The following MTMR3 variants were observed in gnomAD, a reference collection of about 807,000 sequenced individuals.
The protein encoded by MTMR3 is phosphatidylinositol-3,5-bisphosphate 3-phosphatase MTMR3.
MTMR3 carries 32 observed loss-of-function variants against 132.4 expected under a neutral mutation model. The observed-to-expected ratio is 0.24, with a 90% confidence interval of 0.18 to 0.32. MTMR3 has a LOEUF of 0.32. MTMR3 is among the 10% of genes least tolerant of loss of function. The pLI is 1.00. For missense variants in MTMR3, 1,216 were observed against 1,489.6 expected (o/e 0.82, Z 3.02); for synonymous variants, 556 against 550.3 (o/e 1.01, Z -0.14).
At chr22:29,986,635 A>G (rs1420727734) in intron 5 of MTMR3, 16 of 959,622 alleles carry the variant, frequency 1.7e-5, no homozygotes, top group Non-Finnish European at 1.9e-5. Flanking sequence ...TGTTCTCAGA[A>G]CACAGGCAAG....
At chr22:29,908,620 T>C (rs1384501141) in intron 1 of MTMR3, among the ~76,000 whole-genome samples, 1 of 152,066 alleles carries the variant, frequency 6.6e-6, no homozygotes, top group African/African-American at 2.4e-5. Flanking sequence ...TTTGCGGAAA[T>C]AGCAGGAATA....
chr22:29,965,723 G>A (rs1413295917), intron 2 of MTMR3, among the ~76,000 whole-genome samples: 1 of 152,096 alleles, frequency 6.6e-6, no homozygotes, highest in Non-Finnish European at 1.5e-5. Flanking sequence ...ATTTGACTGG[G>A]AAGATAGCTT....
At chr22:30,022,234 G>T (rs751292821) in intron 18 of MTMR3, 95 bp downstream of exon 18, 6 of 904,354 alleles carry the variant, frequency 6.6e-6, no homozygotes, top group Non-Finnish European at 8.8e-6. Context: ...GGCCAAGGAA[G>T]CACCTCCCAG....
chr22:29,928,135 C>T (rs1387588787), intron 1 of MTMR3, among the ~76,000 whole-genome samples: 1 of 148,514 alleles, frequency 6.7e-6, no homozygotes, highest in African/African-American at 2.5e-5. Flanking sequence ...GTTCTTTTCT[C>T]ATCGTCTGTA....
intron 3 of MTMR3, among the ~76,000 whole-genome samples, chr22:29,973,896 G>A (rs1445525237): frequency 6.6e-6 from 1 of 151,944 alleles, no homozygotes; most frequent in Non-Finnish European, 1.5e-5. Flanking sequence ...ACCGCACCCG[G>A]CCCTTCCCAT....
intron 1 of MTMR3, among the ~76,000 whole-genome samples, chr22:29,893,755 G>A (rs1258271910): frequency 1.3e-5 from 2 of 152,060 alleles, no homozygotes; most frequent in Non-Finnish European, 2.9e-5. Flanking sequence ...GTGGGATAAT[G>A]TGGCTTTTTT....
intron 7 of MTMR3, 148 bp from the exon 8 acceptor site, chr22:29,998,613 G>A (rs1003257075): frequency 3.4e-5 from 13 of 386,252 alleles, no homozygotes; most frequent in East Asian, 9.6e-5. Context: ...ACTGCACTCC[G>A]GCCTATGTGA....
chr22:29,950,774 A>T (rs1055074501), intron 1 of MTMR3, among the ~76,000 whole-genome samples: 1 of 137,290 alleles, frequency 7.3e-6, no homozygotes, highest in Non-Finnish European at 1.8e-5. Flanking sequence ...TTCATAGAGG[A>T]CATAGATTCA....
chr22:29,889,304 T>TA (rs2064744621), intron 1 of MTMR3, among the ~76,000 whole-genome samples: 1 of 150,614 alleles, frequency 6.6e-6, no homozygotes, highest in Non-Finnish European at 1.5e-5. Flanking sequence ...TTTTTTTTTT[T>TA]TTAGATGGCG....
chr22:29,903,390 CTTTTTTTTTT>C (rs35625964), intron 1 of MTMR3, among the ~76,000 whole-genome samples: 2 of 119,708 alleles, frequency 1.7e-5, no homozygotes, highest in African/African-American at 3.1e-5. Flanking sequence ...CTTTTTCTTT[CTTTTTTTTTT>C]TTTTTTTTGA....
At chr22:29,895,353 C>T (rs182208313) in intron 1 of MTMR3, among the ~76,000 whole-genome samples, 2 of 152,170 alleles carry the variant, frequency 1.3e-5, no homozygotes, top group African/African-American at 4.8e-5. Flanking sequence ...GGAACTGTTA[C>T]AATCAACACA....
chr22:29,964,663 C>T (rs1234033241), intron 2 of MTMR3, among the ~76,000 whole-genome samples: 2 of 152,118 alleles, frequency 1.3e-5, no homozygotes, highest in African/African-American at 2.4e-5. Flanking sequence ...GGCTTTTATC[C>T]GTACTGCCTC....
At chr22:29,993,619 C>G (rs765497738) in intron 7 of MTMR3, 1 of 152,250 alleles carries the variant, frequency 6.6e-6, no homozygotes, top group African/African-American at 2.4e-5. Flanking sequence ...TCTCTCACAA[C>G]CACAGACTGA....
At chr22:29,902,734 C>A (rs1385112925) in intron 1 of MTMR3, among the ~76,000 whole-genome samples, 1 of 151,960 alleles carries the variant, frequency 6.6e-6, no homozygotes, top group Non-Finnish European at 1.5e-5. Flanking sequence ...CCTTTTTCTT[C>A]TCCTCTCCTC....
At chr22:30,004,120 A>G (rs1006427734) in intron 9 of MTMR3, 2 of 152,238 alleles carry the variant, frequency 1.3e-5, no homozygotes, top group African/African-American at 2.4e-5. Context: ...AGTGGAACTC[A>G]TTACGTTTTT....
At chr22:29,905,025 G>T (rs1342177878) in intron 1 of MTMR3, among the ~76,000 whole-genome samples, 2 of 152,172 alleles carry the variant, frequency 1.3e-5, no homozygotes, top group Non-Finnish European at 2.9e-5. Flanking sequence ...GCTATCCTCT[G>T]TTATGGTTCT....
chr22:30,003,166 G>A, intron 9 of MTMR3, 173 bp downstream of exon 9: 1 of 498,722 alleles, frequency 2.0e-6, no homozygotes, highest in Non-Finnish European at 3.6e-6. Flanking sequence ...CATCAGTACT[G>A]ACTGCATTCA....
chr22:30,011,482 C>T (rs2067423045), intron 12 of MTMR3: 1 of 152,362 alleles, frequency 6.6e-6, no homozygotes, highest in African/African-American at 2.4e-5. Context: ...CCTGCCTCAG[C>T]CTCCTGAGTA....
intron 1 of MTMR3, among the ~76,000 whole-genome samples, chr22:29,949,529 C>T (rs1407702620): frequency 3.6e-5 from 5 of 139,966 alleles, no homozygotes; most frequent in African/African-American, 8.2e-5. Flanking sequence ...AAACAACACA[C>T]GTACACATAA....
Sources: gnomAD v4.1 joint callset for allele counts (sites outside exome capture counted in the v4.1 genomes callset) on GRCh38, gnomAD v4.1.1 for gene constraint, MANE v1.5 for transcripts, NCBI Gene and HGNC (gene_info 2026-07-23, HGNC 2026-07-21) for gene names.